CPS1: variants seen among roughly 807,000 people sequenced by gnomAD.
CPS1 encodes carbamoyl-phosphate synthase 1.
Under a neutral mutation model 174.6 loss-of-function variants are expected in CPS1, and 109 were observed. The ratio of observed to expected loss-of-function variants is 0.62; its 90% CI spans 0.53 to 0.73. The LOEUF is 0.73. Among genes scored for constraint, CPS1 ranks in the 30% least tolerant of loss-of-function variants. The pLI is 0.00. For missense variants in CPS1, 1,689 were observed against 1,821.9 expected, an observed-to-expected ratio of 0.93 and a Z score of 1.33; for synonymous variants, 637 against 632.0, an observed-to-expected ratio of 1.01 and a Z score of -0.12.
intron 1 of CPS1, among the ~76,000 whole-genome samples, chr2:210,543,115 G>A (rs1339045468): frequency 1.3e-5 from 2 of 152,130 alleles, no homozygotes; most frequent in Admixed American, 1.3e-4. Context: ...GGAGAGGGGG[G>A]CACTAGCCCA....
chr2:210,612,994 C>G (rs1559106929), intron 20 of CPS1, among the ~76,000 whole-genome samples: 1 of 151,958 alleles, frequency 6.6e-6, no homozygotes, highest in Non-Finnish European at 1.5e-5. Context: ...TGGAATCTGT[C>G]TGGTCAGAAA....
intron 24 of CPS1, 23 bp from the exon 25 acceptor site, chr2:210,642,461 T>G (rs1700255788): frequency 6.2e-7 from 1 of 1,613,716 alleles, no homozygotes; most frequent in Non-Finnish European, 8.5e-7. Flanking sequence ...TTATCCCTTT[T>G]GCCAATCTCA....
At chr2:210,512,879 G>GAT (rs556011365) in intron 1 of CPS1, among the ~76,000 whole-genome samples, 41,678 of 70,264 alleles carry the variant, frequency 0.59, 14,859 homozygotes, top group Non-Finnish European at 0.67. Flanking sequence ...TATATATAGA[G>GAT]ATATATATAT....
chr2:210,524,143 A>G (rs367702582), intron 1 of CPS1, among the ~76,000 whole-genome samples: 13 of 152,066 alleles, frequency 8.5e-5, no homozygotes, highest in Admixed American at 3.3e-4. Context: ...AACATGTACT[A>G]TGCTCTTTAT....
At chr2:210,650,776 G>C (rs1700535381) in intron 28 of CPS1, among the ~76,000 whole-genome samples, 1 of 152,166 alleles carries the variant, frequency 6.6e-6, no homozygotes, top group Non-Finnish European at 1.5e-5. Context: ...ATGCTGGTCA[G>C]GGTATTTCTG....
chr2:210,506,068 G>A (rs1434378367), intron 1 of CPS1, among the ~76,000 whole-genome samples: 1 of 152,094 alleles, frequency 6.6e-6, no homozygotes, highest in Non-Finnish European at 1.5e-5. Context: ...CTGGAGATCT[G>A]GAATGGACAG....
At chr2:210,605,273 A>G in intron 17 of CPS1, 27 bp downstream of exon 17, 2 of 1,610,968 alleles carry the variant, frequency 1.2e-6, no homozygotes, top group African/African-American at 1.3e-5. Flanking sequence ...CAAGAACTAT[A>G]GTAATGCTTT....
At chr2:210,488,129 T>C (rs1278627270) in intron 1 of CPS1, among the ~76,000 whole-genome samples, 1 of 151,430 alleles carries the variant, frequency 6.6e-6, no homozygotes, top group Admixed American at 6.6e-5. Flanking sequence ...TGATTTGCTC[T>C]ACCACCTTTT....
At chr2:210,646,755 T>G (rs1311713795) in intron 25 of CPS1, among the ~76,000 whole-genome samples, 1 of 151,952 alleles carries the variant, frequency 6.6e-6, no homozygotes, top group African/African-American at 2.4e-5. Context: ...AGACTAAACG[T>G]TGGGGGAAAG....
intron 1 of CPS1, among the ~76,000 whole-genome samples, chr2:210,517,621 G>A (rs909242581): frequency 3.9e-5 from 6 of 151,930 alleles, no homozygotes; most frequent in Non-Finnish European, 7.4e-5. Flanking sequence ...CAAGGTAATG[G>A]CAAAGAAAAA....
chr2:210,527,664 C>G (rs1696009401), intron 1 of CPS1, among the ~76,000 whole-genome samples: 1 of 151,774 alleles, frequency 6.6e-6, no homozygotes, highest in Admixed American at 6.6e-5. Flanking sequence ...TGTTTACTAG[C>G]ATAATATTAA....
intron 1 of CPS1, among the ~76,000 whole-genome samples, chr2:210,517,493 A>G (rs1323801410): frequency 6.6e-6 from 1 of 152,046 alleles, no homozygotes; most frequent in Non-Finnish European, 1.5e-5. Flanking sequence ...GTGAATTGCA[A>G]TTGTTAGTGG....
rs1559088030 is a variant in CPS1 at position 210,582,705 on chromosome 2, C to T, written c.617C>T (p.Thr206Ile). The change falls in exon 6 of 38, where the codon ACC becomes ATC. Residue 206 changes from threonine to isoleucine, a missense_variant. Coordinates refer to ENST00000233072, the MANE Select transcript of CPS1 (RefSeq NM_001875.5). ...CAGAATTTGATTGCTGAGGTTTCAACCAAGGTGAGGGGTTTTCCTTTATAT... is the reference window on the plus strand; with the variant it reads ...CAGAATTTGATTGCTGAGGTTTCAATCAAGGTGAGGGGTTTTCCTTTATAT... ...NKQNLIAEVS[T>I]KDVKVYGKGN... The T allele has an allele frequency of 1.9e-6, 3 of 1,608,836 alleles. No individual in the cohort carries two copies. Among genetic ancestry groups the T allele is most frequent in the Non-Finnish European group, 2.6e-6 (3 of 1,175,470 alleles).
chr2:210,637,227 A>G (rs1700066809), intron 21 of CPS1, among the ~76,000 whole-genome samples: 1 of 152,200 alleles, frequency 6.6e-6, no homozygotes, highest in South Asian at 2.1e-4. Flanking sequence ...GGGGAAACCC[A>G]AAACTAGTAA....
At chr2:210,669,547 A>G (rs1159357817) in intron 34 of CPS1, among the ~76,000 whole-genome samples, 1 of 152,066 alleles carries the variant, frequency 6.6e-6, no homozygotes, top group Non-Finnish European at 1.5e-5. Context: ...AGCAAATTAG[A>G]CTCTGGAGAC....
Position 210,678,136 on chromosome 2 carries a change from A to G in CPS1, c.*151A>G. 2 of 742,050 alleles carry G rather than the reference A, an allele frequency of 2.7e-6. No homozygotes were observed. The highest frequency in any genetic ancestry group is 5.0e-6 in the Non-Finnish European group (2 of 403,974). 46.0% of individuals were successfully genotyped at this position (742,050 alleles called of 1,614,324 possible). On this transcript the variant is annotated 3_prime_UTR_variant, in exon 38 of 38. Transcript: ENST00000233072. The stretch of plus-strand genomic sequence containing the variant: ...GCCTTAATATTCTGTGTCTTTTGCA[A>G]TTAAATTGTCAGTCACTTCTTCAAA...
At chr2:210,626,820 A>T (rs769939881) in intron 21 of CPS1, among the ~76,000 whole-genome samples, 21 of 152,208 alleles carry the variant, frequency 1.4e-4, no homozygotes, top group South Asian at 4.1e-4. Flanking sequence ...AGGCAAAAAT[A>T]AATACTTATT....
intron 13 of CPS1, among the ~76,000 whole-genome samples, chr2:210,596,388 G>A (rs7422569): frequency 0.47 from 70,977 of 151,628 alleles, 16,818 homozygotes; most frequent in Middle Eastern, 0.59. Context: ...CAGGCTAGTA[G>A]AGTCAGCATA....
chr2:210,531,244 GA>G (rs1559064226), intron 1 of CPS1, among the ~76,000 whole-genome samples: 1 of 152,066 alleles, frequency 6.6e-6, no homozygotes, highest in East Asian at 1.9e-4. Flanking sequence ...AAAGACGGGG[GA>G]AAAAAGTACG....
Sources: gnomAD v4.1 joint callset for allele counts (sites outside exome capture counted in the v4.1 genomes callset) on GRCh38, gnomAD v4.1.1 for gene constraint, MANE v1.5 for transcripts, NCBI Gene and HGNC (gene_info 2026-07-23, HGNC 2026-07-21) for gene names.